The following KCND2 variants were observed in gnomAD, a reference collection of about 807,000 sequenced individuals.
KCND2 encodes potassium voltage-gated channel subfamily D member 2.
Under a neutral mutation model 54.4 loss-of-function variants are expected in KCND2, and 16 were observed. The observed-to-expected ratio is 0.29, with a 90% CI of 0.20 to 0.45. KCND2 has a LOEUF of 0.45. Ranked by LOEUF, KCND2 falls within the 20% of genes least tolerant of loss-of-function variation. The pLI, the probability that KCND2 is intolerant of heterozygous loss-of-function variation, is 1.00. For missense variants in KCND2, 486 were observed against 824.2 expected, an observed-to-expected ratio of 0.59 and a Z score of 5.02; for synonymous variants, 317 against 310.7, an observed-to-expected ratio of 1.02 and a Z score of -0.21.
Position 120,571,377 on chromosome 7 carries a change from C to T in KCND2, c.1116-161526C>T, listed in dbSNP as rs572564519. 2.6e-5 allele frequency among the ~76,000 whole-genome samples: 4 copies of T among 152,196 alleles called. 1 individual carries two copies. Among genetic ancestry groups the T allele is most frequent in the Admixed American group, 2.6e-4 (4 of 15,266 alleles). On this transcript the variant is annotated intron_variant, in intron 1 of 5. Coordinates refer to ENST00000331113, the MANE Select transcript of KCND2 (RefSeq NM_012281.3). Reference sequence around the variant, plus strand: ...ATTGTTATGGAGGGAATCTTGGCTCCAATTTGATGCCCTCAAGTTTTAGGC... The same window carrying T: ...ATTGTTATGGAGGGAATCTTGGCTCTAATTTGATGCCCTCAAGTTTTAGGC...
intron 1 of KCND2, among the ~76,000 whole-genome samples, chr7:120,484,939 G>T (rs1224203632): frequency 6.6e-6 from 1 of 152,050 alleles, no homozygotes; most frequent in Non-Finnish European, 1.5e-5. Flanking sequence ...GAGTGCAGTG[G>T]AACCATCATA....
chr7:120,623,783 G>A (rs1793132282), intron 1 of KCND2, among the ~76,000 whole-genome samples: 1 of 152,140 alleles, frequency 6.6e-6, no homozygotes, highest in South Asian at 2.1e-4. Flanking sequence ...TGTGGTATAA[G>A]AATTTAACCA....
intron 1 of KCND2, among the ~76,000 whole-genome samples, chr7:120,387,447 T>C (rs1465240970): frequency 6.6e-6 from 1 of 152,066 alleles, no homozygotes; most frequent in African/African-American, 2.4e-5. Flanking sequence ...ATTTTTACAT[T>C]GGAGTGACTA....
intron 1 of KCND2, among the ~76,000 whole-genome samples, chr7:120,499,659 A>G (rs1487151063): frequency 1.3e-5 from 2 of 152,038 alleles, no homozygotes; most frequent in Non-Finnish European, 2.9e-5. Context: ...CCTCCAACAT[A>G]CACCCTTTCC....
intron 1 of KCND2, among the ~76,000 whole-genome samples, chr7:120,519,346 AAAAAAC>A (rs1256490685): frequency 6.6e-6 from 1 of 152,052 alleles, no homozygotes; most frequent in Non-Finnish European, 1.5e-5. Context: ...GACTTTTCTC[AAAAAAC>A]AAAAACAAAA....
At chr7:120,599,872 G>A (rs879723326) in intron 1 of KCND2, among the ~76,000 whole-genome samples, 1 of 151,838 alleles carries the variant, frequency 6.6e-6, no homozygotes, top group East Asian at 1.9e-4. Context: ...CATTATTTCT[G>A]ATTACAGGAG....
At chr7:120,560,995 A>T (rs1232986118) in intron 1 of KCND2, among the ~76,000 whole-genome samples, 1 of 152,194 alleles carries the variant, frequency 6.6e-6, no homozygotes, top group Admixed American at 6.5e-5. Flanking sequence ...TAGTACTGTC[A>T]CATTACTGCG....
chr7:120,483,932 T>G (rs1168631433), intron 1 of KCND2, among the ~76,000 whole-genome samples: 1 of 152,188 alleles, frequency 6.6e-6, no homozygotes, highest in African/African-American at 2.4e-5. Flanking sequence ...AAGATTGTTT[T>G]GCTTTGCTTT....
intron 1 of KCND2, among the ~76,000 whole-genome samples, chr7:120,289,725 G>A (rs900360905): frequency 2.0e-5 from 3 of 152,052 alleles, no homozygotes; most frequent in Admixed American, 2.0e-4. Flanking sequence ...AGACATAAAC[G>A]TCAGCCAAGT....
At chr7:120,385,710 C>G (rs1234746864) in intron 1 of KCND2, among the ~76,000 whole-genome samples, 1 of 151,834 alleles carries the variant, frequency 6.6e-6, no homozygotes, top group African/African-American at 2.4e-5. Context: ...AATAGCCAAA[C>G]TATGAATGTC....
chr7:120,382,675 A>G (rs1800931243), intron 1 of KCND2, among the ~76,000 whole-genome samples: 1 of 151,860 alleles, frequency 6.6e-6, no homozygotes. Flanking sequence ...TACTCTAACA[A>G]AAGCTAAGGT....
intron 1 of KCND2, among the ~76,000 whole-genome samples, chr7:120,453,774 T>A (rs1467022632): frequency 6.6e-6 from 1 of 152,116 alleles, no homozygotes; most frequent in Non-Finnish European, 1.5e-5. Flanking sequence ...ACTTTATACC[T>A]CTAAACACTC....
Position 120,387,296 on chromosome 7 carries a change from T to G in KCND2, c.1115+111549T>G, listed in dbSNP as rs140847591. Among the ~76,000 whole-genome samples, 427 of 152,202 alleles carry G rather than the reference T, an allele frequency of 2.8e-3. 2 individuals are homozygous for G. Among genetic ancestry groups the G allele is most frequent in the African/African-American group, 9.8e-3 (409 of 41,564 alleles). On this transcript the variant is annotated intron_variant, in intron 1 of 5. Coordinates refer to ENST00000331113, the MANE Select transcript of KCND2 (RefSeq NM_012281.3). Reference sequence around the variant, plus strand: ...TTTCCAAATTACCATAAAAATATTTTGGTATAAATCAAAATTTATGTAACT... The same window carrying G: ...TTTCCAAATTACCATAAAAATATTTGGGTATAAATCAAAATTTATGTAACT...
chr7:120,307,256 A>G (rs1343601972), intron 1 of KCND2, among the ~76,000 whole-genome samples: 1 of 152,064 alleles, frequency 6.6e-6, no homozygotes, highest in African/African-American at 2.4e-5. Flanking sequence ...AATAATAACT[A>G]GTATTTTTCT....
At chr7:120,543,405 A>C (rs906177394) in intron 1 of KCND2, among the ~76,000 whole-genome samples, 2 of 152,064 alleles carry the variant, frequency 1.3e-5, no homozygotes, top group Non-Finnish European at 2.9e-5. Flanking sequence ...AGAGATACAC[A>C]CAAAAAAAAG....
intron 1 of KCND2, among the ~76,000 whole-genome samples, chr7:120,438,930 T>C (rs1801909840): frequency 6.6e-6 from 1 of 152,120 alleles, no homozygotes; most frequent in South Asian, 2.1e-4. Flanking sequence ...AATTCACAAA[T>C]ATTTATTAAC....
At chr7:120,285,714 T>C (rs1301285891) in intron 1 of KCND2, among the ~76,000 whole-genome samples, 1 of 151,986 alleles carries the variant, frequency 6.6e-6, no homozygotes, top group Non-Finnish European at 1.5e-5. Context: ...ATCTGTTGTC[T>C]GCTATTACTT....
chr7:120,698,212 G>T (rs1426475548), intron 1 of KCND2, among the ~76,000 whole-genome samples: 1 of 151,736 alleles, frequency 6.6e-6, no homozygotes, highest in Non-Finnish European at 1.5e-5. Flanking sequence ...ATGGGGTTTT[G>T]CCATGTTGGC....
intron 1 of KCND2, among the ~76,000 whole-genome samples, chr7:120,470,778 A>G (rs956698107): frequency 1.3e-5 from 2 of 151,930 alleles, no homozygotes; most frequent in Admixed American, 6.6e-5. Flanking sequence ...TGGAAACTCA[A>G]TCAACTTGCT....
Sources: allele counts gnomAD v4.1 joint callset (sites outside exome capture counted in the v4.1 genomes callset), GRCh38; gene constraint gnomAD v4.1.1; transcripts MANE v1.5; gene names NCBI Gene and HGNC (gene_info 2026-07-23, HGNC 2026-07-21).